TNFRSF10A: variants seen among roughly 807,000 people sequenced by gnomAD.
The protein encoded by TNFRSF10A is tumor necrosis factor receptor superfamily member 10A.
TNFRSF10A carries 44 observed loss-of-function variants against 42.8 expected under a neutral mutation model. That is an observed-to-expected ratio of 1.03 (90% CI 0.81 to 1.32). The LOEUF is 1.32. TNFRSF10A is among the 40% of genes most tolerant of loss of function. The pLI is 0.00. For missense variants in TNFRSF10A, 680 were observed against 602.0 expected (o/e 1.13, Z -1.36); for synonymous variants, 259 against 234.2 (o/e 1.11, Z -0.97).
chr8:23,196,776 C>A (rs1800829307), intron 9 of TNFRSF10A, among the ~76,000 whole-genome samples: 1 of 152,194 alleles, frequency 6.6e-6, no homozygotes, highest in Non-Finnish European at 1.5e-5. Flanking sequence ...AACAGCTCTG[C>A]AAATTGGGCT....
intron 1 of TNFRSF10A, among the ~76,000 whole-genome samples, chr8:23,216,870 T>C (rs1338039996): frequency 6.6e-6 from 1 of 152,246 alleles, no homozygotes; most frequent in African/African-American, 2.4e-5. Context: ...CTTAACACTT[T>C]AATTTCATTG....
At chr8:23,220,158 C>T (rs1355207996) in intron 1 of TNFRSF10A, among the ~76,000 whole-genome samples, 1 of 152,226 alleles carries the variant, frequency 6.6e-6, no homozygotes, top group South Asian at 2.1e-4. Context: ...GGAAGAGGCC[C>T]TTCCCAGTCC....
At chr8:23,221,213 C>T (rs548148269) in intron 1 of TNFRSF10A, among the ~76,000 whole-genome samples, 1 of 152,270 alleles carries the variant, frequency 6.6e-6, no homozygotes, top group East Asian at 1.9e-4. Context: ...GTGATTTGTC[C>T]TCCCACACGA....
In TNFRSF10A at chr8:23,204,265, A is replaced by T. The variant is rs141983573; in HGVS notation, c.404-1504T>A. ...GGTGTCAACTGTAAAGTATGAAATC[A>T]CACAAGTACTGCATGAGAAATTTTT... is the stretch of plus-strand genomic sequence containing the variant. On this transcript the variant is annotated intron_variant, in intron 2 of 9. Coordinates refer to ENST00000221132, the MANE Select transcript of TNFRSF10A (RefSeq NM_003844.4). 7.5e-4 allele frequency among the ~76,000 whole-genome samples: 114 copies of T among 152,128 alleles called. 1 individual carries two copies. Among genetic ancestry groups the T allele is most frequent in the African/African-American group, 2.5e-3 (104 of 41,368 alleles).
At chr8:23,209,264 G>T (rs938238325) in intron 2 of TNFRSF10A, among the ~76,000 whole-genome samples, 1 of 152,220 alleles carries the variant, frequency 6.6e-6, no homozygotes, top group African/African-American at 2.4e-5. Context: ...TGCTGTAGGG[G>T]CAGGGCCCTC....
chr8:23,207,706 C>G (rs1390872455), intron 2 of TNFRSF10A, among the ~76,000 whole-genome samples: 2 of 152,018 alleles, frequency 1.3e-5, no homozygotes, highest in African/African-American at 4.8e-5. Context: ...CTCATAAGAT[C>G]TGATGGTTAT....
chr8:23,223,222 C>T (rs1373858456), intron 1 of TNFRSF10A, among the ~76,000 whole-genome samples: 7 of 152,168 alleles, frequency 4.6e-5, no homozygotes, highest in East Asian at 1.9e-4. Context: ...GCCACCACCA[C>T]GCCTGGCTAA....
chr8:23,198,387 A>G (rs1220556304), intron 8 of TNFRSF10A, among the ~76,000 whole-genome samples: 2 of 152,222 alleles, frequency 1.3e-5, no homozygotes, highest in Non-Finnish European at 2.9e-5. Context: ...AAAAGGTAAA[A>G]GTATCTACAG....
At chr8:23,220,244 C>T (rs1388136401) in intron 1 of TNFRSF10A, among the ~76,000 whole-genome samples, 2 of 152,200 alleles carry the variant, frequency 1.3e-5, no homozygotes, top group Non-Finnish European at 2.9e-5. Context: ...TCATTTTCTC[C>T]CCAGACAAAA....
chr8:23,208,659 TG>T, intron 2 of TNFRSF10A, among the ~76,000 whole-genome samples: 1 of 152,108 alleles, frequency 6.6e-6, no homozygotes, highest in Non-Finnish European at 1.5e-5. Flanking sequence ...GGTTTCACCG[TG>T]TTCGCCAGGA....
chr8:23,220,569 T>C (rs1203917526), intron 1 of TNFRSF10A, among the ~76,000 whole-genome samples: 1 of 152,188 alleles, frequency 6.6e-6, no homozygotes, highest in African/African-American at 2.4e-5. Context: ...ACCACAGTGG[T>C]CTGTGTTGGC....
chr8:23,203,695 C>T (rs193278757), intron 2 of TNFRSF10A, among the ~76,000 whole-genome samples: 54 of 152,160 alleles, frequency 3.5e-4, no homozygotes, highest in African/African-American at 5.1e-4. Flanking sequence ...TAATGTGTTA[C>T]GATGACGACA....
At chr8:23,194,116 G>A (rs967837466) in intron 9 of TNFRSF10A, among the ~76,000 whole-genome samples, 5 of 152,178 alleles carry the variant, frequency 3.3e-5, no homozygotes, top group African/African-American at 1.2e-4. Context: ...TTTCAGCCAT[G>A]TGAACATATT....
At chr8:23,209,253 T>C (rs1801059485) in intron 2 of TNFRSF10A, among the ~76,000 whole-genome samples, 1 of 152,182 alleles carries the variant, frequency 6.6e-6, no homozygotes, top group Admixed American at 6.5e-5. Flanking sequence ...AGGCAAAAGT[T>C]TGCTGTAGGG....
chr8:23,213,562 C>T (rs1801125117), intron 1 of TNFRSF10A, among the ~76,000 whole-genome samples: 1 of 151,252 alleles, frequency 6.6e-6, no homozygotes, highest in African/African-American at 2.4e-5. Context: ...ATTCTCCTGC[C>T]TCAGCCTCCC....
chr8:23,193,546 T>A (rs1167427640), intron 9 of TNFRSF10A, among the ~76,000 whole-genome samples: 1 of 152,192 alleles, frequency 6.6e-6, no homozygotes, highest in East Asian at 1.9e-4. Context: ...TGCCTTTCAG[T>A]CTGGACACTC....
intron 2 of TNFRSF10A, chr8:23,206,994 G>T: frequency 2.7e-6 from 1 of 363,998 alleles, no homozygotes; most frequent in South Asian, 2.7e-5. Flanking sequence ...AGGCCAAGAA[G>T]GCAGTGTAGA....
chr8:23,223,838 A>C (rs1172617494), intron 1 of TNFRSF10A, among the ~76,000 whole-genome samples: 2 of 152,252 alleles, frequency 1.3e-5, no homozygotes, highest in African/African-American at 2.4e-5. Flanking sequence ...TCCTGAAGGA[A>C]GGGCGTGCCC....
chr8:23,217,467 C>T (rs1279472813), intron 1 of TNFRSF10A, among the ~76,000 whole-genome samples: 2 of 152,148 alleles, frequency 1.3e-5, no homozygotes, highest in Non-Finnish European at 2.9e-5. Flanking sequence ...CTGCCCACCT[C>T]AGCCTCCCGA....
Sources: gnomAD v4.1 joint callset for allele counts (sites outside exome capture counted in the v4.1 genomes callset) on GRCh38, gnomAD v4.1.1 for gene constraint, MANE v1.5 for transcripts, NCBI Gene and HGNC (gene_info 2026-07-23, HGNC 2026-07-21) for gene names.